PRTFDC1: variants seen among roughly 807,000 people sequenced by gnomAD.
PRTFDC1 encodes phosphoribosyltransferase domain-containing protein 1.
Under a neutral mutation model 34.6 loss-of-function variants are expected in PRTFDC1, and 38 were observed. The ratio of observed to expected loss-of-function variants is 1.10; its 90% confidence interval spans 0.85 to 1.44. The LOEUF is 1.44. Ranked by LOEUF, PRTFDC1 falls within the 40% of genes most tolerant of loss-of-function variation. The probability of loss-of-function intolerance (pLI) is 0.00; values close to 1 mark genes in which losing one functional copy is unlikely to be tolerated. For missense variants in PRTFDC1, 270 were observed against 283.0 expected (o/e 0.95, Z 0.33); for synonymous variants, 93 against 98.1 (o/e 0.95, Z 0.31).
intron 7 of PRTFDC1, 31 bp from the exon 8 acceptor site, chr10:24,851,495 A>G (rs1352857027): frequency 4.4e-6 from 7 of 1,584,096 alleles, no homozygotes; most frequent in Non-Finnish European, 5.1e-6. Flanking sequence ...AAAAAAAAAA[A>G]GGAACAAAAT....
chr10:24,855,423 A>T, intron 6 of PRTFDC1, 59 bp from the exon 7 acceptor site: 1 of 1,573,818 alleles, frequency 6.4e-7, no homozygotes, highest in South Asian at 1.1e-5. Flanking sequence ...AATTGTAAAT[A>T]GAATCAAGCA....
intron 3 of PRTFDC1, among the ~76,000 whole-genome samples, chr10:24,893,976 G>A (rs2132542559): frequency 6.6e-6 from 1 of 152,312 alleles, no homozygotes; most frequent in South Asian, 2.1e-4. Context: ...TCAAGGCAGA[G>A]GAGGTGCAGA....
intron 3 of PRTFDC1, among the ~76,000 whole-genome samples, chr10:24,873,339 A>G (rs946286246): frequency 6.6e-6 from 1 of 152,204 alleles, no homozygotes; most frequent in African/African-American, 2.4e-5. Context: ...TCCCAGCCTC[A>G]TTACAGACCC....
intron 3 of PRTFDC1, among the ~76,000 whole-genome samples, chr10:24,916,380 G>T (rs1357659431): frequency 6.6e-6 from 1 of 152,114 alleles, no homozygotes; most frequent in Admixed American, 6.5e-5. Context: ...ATGACATTCT[G>T]CTCAAAACCC....
intron 3 of PRTFDC1, among the ~76,000 whole-genome samples, chr10:24,902,989 G>C (rs529395580): frequency 2.0e-5 from 3 of 152,208 alleles, no homozygotes; most frequent in Admixed American, 6.5e-5. Context: ...CTGAGGTCAC[G>C]AGTTCGAGAC....
chr10:24,908,221 T>G, intron 3 of PRTFDC1: 1 of 340,336 alleles, frequency 2.9e-6, no homozygotes, highest in Non-Finnish European at 5.4e-6. Flanking sequence ...CAGATACATT[T>G]TTGTTGCGTT....
At chr10:24,857,059 C>G (rs184791231) in intron 5 of PRTFDC1, 64 bp from the exon 6 acceptor site, 1 of 1,298,892 alleles carries the variant, frequency 7.7e-7, no homozygotes, top group East Asian at 2.3e-5. Flanking sequence ...ACTTTTCACC[C>G]AGGGAGATAC....
chr10:24,902,049 G>A (rs759713408), intron 3 of PRTFDC1, among the ~76,000 whole-genome samples: 3 of 152,304 alleles, frequency 2.0e-5, no homozygotes, highest in East Asian at 3.9e-4. Context: ...TCCTGGTGAC[G>A]ATCCCTGCAC....
rs1031699190 is a variant in PRTFDC1 at position 24,849,993 on chromosome 10, T to C, written c.631-102A>G. ...CGAATGCCATCCTGTAATTGGCTAT[T>C]GATCATTTAAATAGAAATGTGTGTA... is the stretch of plus-strand genomic sequence containing the variant. On this transcript the variant is annotated intron_variant, in intron 8 of 8. Coordinates refer to ENST00000320152, the MANE Select transcript of PRTFDC1 (RefSeq NM_020200.7). 49 of 1,064,000 alleles carry C rather than the reference T, an allele frequency of 4.6e-5. 1 individual carries two copies. The South Asian group carries it at 6.1e-4, about 13-fold the overall frequency. The allele number at this position is 1,064,000 out of a possible 1,614,324, so 65.9% of individuals were successfully genotyped here.
Position 24,884,161 on chromosome 10 carries a change from A to T in PRTFDC1, c.340-12098T>A, listed in dbSNP as rs962913018. ...GACGATTTTCTCCACACAATTGTTT[A>T]AAAAAAAAAAAGGAAGATTTAGAAT... On this transcript the variant is annotated intron_variant, in intron 3 of 8. Coordinates refer to ENST00000320152, the MANE Select transcript of PRTFDC1 (RefSeq NM_020200.7). Among the ~76,000 whole-genome samples, 8 of 41,464 alleles carry T rather than the reference A, an allele frequency of 1.9e-4. No individual in the cohort carries two copies. In the East Asian group the frequency reaches 3.1e-3, roughly 16 times the overall value. The allele number at this position is 41,464 out of a possible 152,430, so 27.2% of individuals were successfully genotyped here.
chr10:24,853,622 G>A (rs991411869), intron 7 of PRTFDC1, among the ~76,000 whole-genome samples: 3 of 151,954 alleles, frequency 2.0e-5, no homozygotes, highest in African/African-American at 4.8e-5. Context: ...ATAATAATAT[G>A]AGCAAATCCC....
intron 6 of PRTFDC1, among the ~76,000 whole-genome samples, chr10:24,855,882 G>A (rs898541356): frequency 3.3e-5 from 5 of 152,064 alleles, no homozygotes; most frequent in Admixed American, 3.3e-4. Flanking sequence ...CAGCACTTTG[G>A]GAGGCCAAAT....
chr10:24,849,917 A>G lies in PRTFDC1; in HGVS notation c.631-26T>C, dbSNP rs762250163. 5.0e-6 allele frequency: 8 copies of G among 1,612,182 alleles called. No homozygotes were observed. In the South Asian group the frequency reaches 8.8e-5, roughly 18 times the overall value. On this transcript the variant is annotated intron_variant, in intron 8 of 8. Transcript: ENST00000320152. ...CTGAAACAATAAAGGATTTAAACGC[A>G]TCAGTTTCTTAACAAAATATGAGAC...
chr10:24,888,603 CTA>C (rs1299873027), intron 3 of PRTFDC1, among the ~76,000 whole-genome samples: 1 of 152,130 alleles, frequency 6.6e-6, no homozygotes, highest in Non-Finnish European at 1.5e-5. Context: ...CCTTTTAATT[CTA>C]TGAGTAGCTG....
chr10:24,941,102 A>G (rs1849149264), intron 2 of PRTFDC1, among the ~76,000 whole-genome samples: 1 of 151,884 alleles, frequency 6.6e-6, no homozygotes, highest in Non-Finnish European at 1.5e-5. Context: ...TCCCCAGGCT[A>G]CAGTGCAGTG....
In PRTFDC1 at chr10:24,872,003, C is replaced by T; in HGVS notation, c.400G>A (p.Gly134Arg). 6.2e-7 allele frequency: 1 copy of T among 1,610,354 alleles called. No homozygotes were observed. Among genetic ancestry groups the T allele is most frequent in the Non-Finnish European group, 8.5e-7 (1 of 1,176,788 alleles). ...GCACAGTTACATGAACAAACCTTTC[C>T]AGCCAGCGTTGAAAGATCATCGCCT... ...IGGDDLSTLAGKNVLIVEDVV... is the reference protein window; with the variant it reads ...IGGDDLSTLARKNVLIVEDVV... The change falls in exon 4 of 9, where the codon GGA (glycine) becomes AGA (arginine). Residue 134 changes from glycine to arginine, a missense_variant. Gly to Arg is a moderately radical substitution (Grantham distance 125, BLOSUM62 -2). Coordinates refer to ENST00000320152, the MANE Select transcript of PRTFDC1 (RefSeq NM_020200.7).
At chr10:24,938,082 C>T (rs374630996) in intron 2 of PRTFDC1, among the ~76,000 whole-genome samples, 3 of 151,342 alleles carry the variant, frequency 2.0e-5, no homozygotes, top group East Asian at 2.0e-4. Flanking sequence ...AAAAATTAGC[C>T]GGGCATGGTG....
At chr10:24,947,166 A>C (rs969901752) in intron 1 of PRTFDC1, among the ~76,000 whole-genome samples, 2 of 152,192 alleles carry the variant, frequency 1.3e-5, no homozygotes, top group Non-Finnish European at 2.9e-5. Flanking sequence ...GTATAAAAGT[A>C]GAAGAAATAT....
chr10:24,907,487 T>C (rs1848555778), intron 3 of PRTFDC1, among the ~76,000 whole-genome samples: 1 of 152,164 alleles, frequency 6.6e-6, no homozygotes, highest in African/African-American at 2.4e-5. Context: ...TCCCCATTAC[T>C]CGGGAGGCTG....
Sources: allele counts gnomAD v4.1 joint callset (sites outside exome capture counted in the v4.1 genomes callset), GRCh38; gene constraint gnomAD v4.1.1; transcripts MANE v1.5; gene names NCBI Gene and HGNC (gene_info 2026-07-23, HGNC 2026-07-21).